RBMS3: variants seen among roughly 807,000 people sequenced by gnomAD.
RBMS3 encodes the protein RNA binding motif single stranded interacting protein 3, also known as RNA-binding motif, single-stranded-interacting protein 3.
Under a neutral mutation model 66.8 loss-of-function variants are expected in RBMS3, and 27 were observed. That is an observed-to-expected ratio of 0.40 (90% CI 0.30 to 0.56). The LOEUF (loss-of-function observed/expected upper bound fraction) is 0.56, where lower values mean the gene tolerates loss of function less well. Among genes scored for constraint, RBMS3 ranks in the 20% least tolerant of loss-of-function variants. The pLI, the probability that RBMS3 is intolerant of heterozygous loss-of-function variation, is 0.40. For missense variants in RBMS3, 513 were observed against 549.5 expected (o/e 0.93, Z 0.66); for synonymous variants, 188 against 183.0 (o/e 1.03, Z -0.22).
chr3:29,817,807 A>C (rs2057955817), intron 6 of RBMS3, among the ~76,000 whole-genome samples: 1 of 151,990 alleles, frequency 6.6e-6, no homozygotes, highest in African/African-American at 2.4e-5. Context: ...AAGAAATAGA[A>C]TATTATAAAA....
intron 12 of RBMS3, among the ~76,000 whole-genome samples, chr3:29,980,808 G>A (rs917236078): frequency 2.0e-5 from 3 of 152,178 alleles, no homozygotes; most frequent in African/African-American, 7.2e-5. Context: ...TTTGGTACCA[G>A]TACTGTGCTG....
At chr3:29,803,958 T>A (rs1415755205) in intron 6 of RBMS3, among the ~76,000 whole-genome samples, 1 of 152,080 alleles carries the variant, frequency 6.6e-6, no homozygotes, top group African/African-American at 2.4e-5. Flanking sequence ...TATCTGTATT[T>A]TTTTCTAAAC....
At chr3:29,674,978 G>A (rs866248686) in intron 4 of RBMS3, among the ~76,000 whole-genome samples, 56 of 152,260 alleles carry the variant, frequency 3.7e-4, no homozygotes, top group Middle Eastern at 3.4e-3. Flanking sequence ...AAAGCTGGAG[G>A]CATCACGCTA....
chr3:29,546,943 G>T (rs534587444), intron 3 of RBMS3, among the ~76,000 whole-genome samples: 15 of 152,216 alleles, frequency 9.9e-5, no homozygotes, highest in African/African-American at 3.6e-4. Flanking sequence ...TAGACATTTA[G>T]ACCTCAATAT....
chr3:29,450,370 A>T (rs999607509), intron 2 of RBMS3, among the ~76,000 whole-genome samples: 22 of 152,146 alleles, frequency 1.4e-4, no homozygotes, highest in Non-Finnish European at 2.5e-4. Flanking sequence ...CAATGTTTTT[A>T]TGGCCTTCCA....
At chr3:29,443,748 C>T (rs945510513) in intron 2 of RBMS3, among the ~76,000 whole-genome samples, 1 of 152,030 alleles carries the variant, frequency 6.6e-6, no homozygotes, top group African/African-American at 2.4e-5. Context: ...GTGGTGATGG[C>T]TTGGAATAAG....
At chr3:29,933,155 T>C (rs1260938496) in intron 10 of RBMS3, among the ~76,000 whole-genome samples, 2 of 152,304 alleles carry the variant, frequency 1.3e-5, no homozygotes, top group African/African-American at 4.8e-5. Flanking sequence ...AACAAAATTA[T>C]GCTTAATGTG....
Position 29,868,929 on chromosome 3 carries a change from A to G in RBMS3, c.709A>G (p.Thr237Ala). 6.2e-7 allele frequency: 1 copy of G among 1,602,514 alleles called. No homozygotes were observed. The highest frequency in any genetic ancestry group is 8.5e-7 in the Non-Finnish European group (1 of 1,173,754). Residue 237 changes from threonine (T) to alanine (A), a missense_variant, in exon 7 of 15, where the codon ACC becomes GCC. Physicochemically the swap from Thr to Ala is moderately conservative, Grantham distance 58. Transcript: ENST00000383767. ...QKKRQNQSKY[T>A]QNGRPWPREG... Reference sequence around the variant, plus strand: ...GAAGCGACAGAATCAAAGCAAATATACCCAGAATGGGAGGCCTTGGCCCAG... The same window carrying G: ...GAAGCGACAGAATCAAAGCAAATATGCCCAGAATGGGAGGCCTTGGCCCAG...
chr3:30,007,553 T>TATA lies in RBMS3; in HGVS notation c.*3691_*3692insATA, dbSNP rs1011456379. The TATA allele has an allele frequency of 4.6e-5, 7 of 152,058 alleles. No individual in the cohort carries two copies. Among genetic ancestry groups the TATA allele is most frequent in the African/African-American group, 1.7e-4 (7 of 41,428 alleles). The allele number at this position is 152,058 out of a possible 1,614,324, so 9.4% of individuals were successfully genotyped here. A position where few individuals can be genotyped will look rare whatever the true frequency, so the allele number is the denominator to read the frequency against. ...TTTTCTTTTAATAATGGTATGGTAT[T>TATA]GTCAAGGGAGGCAAAGTGTTCATGG... On this transcript the variant is annotated 3_prime_UTR_variant, in exon 15 of 15. Transcript: ENST00000383767.
intron 10 of RBMS3, among the ~76,000 whole-genome samples, chr3:29,905,006 A>G (rs190679289): frequency 5.9e-5 from 9 of 152,114 alleles, no homozygotes; most frequent in Admixed American, 3.9e-4. Context: ...TGTCATGCAG[A>G]TTTTTGGTAT....
chr3:29,664,360 C>T (rs1318033977), intron 4 of RBMS3, among the ~76,000 whole-genome samples: 6 of 152,080 alleles, frequency 3.9e-5, no homozygotes, highest in African/African-American at 7.2e-5. Context: ...TGGTGGTGTG[C>T]GCCTGTAGTC....
intron 4 of RBMS3, among the ~76,000 whole-genome samples, chr3:29,721,261 A>T (rs1235547996): frequency 2.6e-5 from 4 of 152,156 alleles, no homozygotes; most frequent in Non-Finnish European, 4.4e-5. Context: ...GCACACATGT[A>T]AGGACTCTTT....
intron 12 of RBMS3, among the ~76,000 whole-genome samples, chr3:29,948,195 T>A (rs73829209): frequency 0.018 from 2,756 of 151,850 alleles, 98 homozygotes; most frequent in African/African-American, 0.064. Flanking sequence ...AAATGTCTGA[T>A]TTCTAACCAT....
intron 5 of RBMS3, among the ~76,000 whole-genome samples, chr3:29,753,966 T>C (rs946004684): frequency 6.6e-6 from 1 of 152,156 alleles, no homozygotes; most frequent in African/African-American, 2.4e-5. Flanking sequence ...AAAACTCTTT[T>C]TTTTTTTTTG....
intron 4 of RBMS3, among the ~76,000 whole-genome samples, chr3:29,641,865 C>T (rs905549909): frequency 4.6e-5 from 7 of 152,098 alleles, no homozygotes; most frequent in African/African-American, 1.7e-4. Flanking sequence ...GTGAAATTTG[C>T]CTGGTCCTTC....
chr3:29,836,781 CTA>C (rs34553455), intron 6 of RBMS3, among the ~76,000 whole-genome samples: 178 of 145,744 alleles, frequency 1.2e-3, no homozygotes, highest in South Asian at 1.8e-3. Flanking sequence ...AACCATTTCA[CTA>C]TATATATATA....
chr3:29,538,626 A>C (rs940051840), intron 3 of RBMS3, among the ~76,000 whole-genome samples: 1 of 152,204 alleles, frequency 6.6e-6, no homozygotes, highest in Non-Finnish European at 1.5e-5. Flanking sequence ...GGGTAGATTT[A>C]TGTTTCCAAA....
chr3:29,682,169 C>T (rs1202709342), intron 4 of RBMS3, among the ~76,000 whole-genome samples: 2 of 151,914 alleles, frequency 1.3e-5, no homozygotes, highest in Non-Finnish European at 2.9e-5. Flanking sequence ...TGTTTTGAGT[C>T]GGAGTCTCGC....
chr3:29,671,569 A>C (rs1429369596), intron 4 of RBMS3, among the ~76,000 whole-genome samples: 1 of 152,250 alleles, frequency 6.6e-6, no homozygotes, highest in African/African-American at 2.4e-5. Context: ...TAGAATAAAC[A>C]GCATAGAGAA....
Sources: allele counts gnomAD v4.1 joint callset (sites outside exome capture counted in the v4.1 genomes callset), GRCh38; gene constraint gnomAD v4.1.1; transcripts MANE v1.5; gene names NCBI Gene and HGNC (gene_info 2026-07-23, HGNC 2026-07-21).